The following FOXN3 variants were observed in gnomAD, a reference collection of about 807,000 sequenced individuals.
The protein encoded by FOXN3 is forkhead box N3, also known as forkhead box protein N3.
In FOXN3, 7 loss-of-function variants were observed where a neutral mutation model predicts 38.4. The observed-to-expected ratio is 0.18, with a 90% CI of 0.10 to 0.34. The LOEUF is 0.34. FOXN3 is among the 10% of genes least tolerant of loss of function. FOXN3 has a pLI of 1.00. For missense variants in FOXN3, 456 were observed against 613.4 expected, an observed-to-expected ratio of 0.74 and a Z score of 2.71; for synonymous variants, 230 against 242.2, an observed-to-expected ratio of 0.95 and a Z score of 0.47.
Position 89,162,401 on chromosome 14 carries a change from C to A in FOXN3, c.*13G>T. On this transcript the variant is annotated 3_prime_UTR_variant, in exon 6 of 6. Coordinates refer to ENST00000557258, the MANE Select transcript of FOXN3 (RefSeq NM_005197.4). The surrounding 1 kb of genome is among the most constrained non-coding windows in gnomAD (Gnocchi z 7.2). ...AAATGGTCGTAAGTTCAAAACAAAT[C>A]AGTGACTTGTTTTTAATTTTTTGTG... The A allele has an allele frequency of 6.5e-7, 1 of 1,532,182 alleles. No homozygotes were observed. Among genetic ancestry groups the A allele is most frequent in the South Asian group, 1.3e-5 (1 of 77,464 alleles). The allele number at this position is 1,532,182 out of a possible 1,614,324, so 94.9% of individuals were successfully genotyped here. A position where few individuals can be genotyped will look rare whatever the true frequency, so the allele number is the denominator to read the frequency against.
intron 3 of FOXN3, among the ~76,000 whole-genome samples, chr14:89,336,250 T>TCCATCCATCCATCCATC (rs1566960019): frequency 1.5e-4 from 1 of 6,688 alleles, no homozygotes; most frequent in Non-Finnish European, 4.6e-4. Context: ...ATCCATCCAT[T>TCCATCCATCCATCCATC]CATCCATCCA....
intron 2 of FOXN3, chr14:89,401,775 C>CCG: frequency 2.5e-6 from 1 of 407,558 alleles, no homozygotes; most frequent in Non-Finnish European, 4.9e-6. Context: ...AGGACAGTCA[C>CCG]AGCCTTCTAT....
chr14:89,249,918 G>A (rs1233959882), intron 4 of FOXN3, among the ~76,000 whole-genome samples: 1 of 152,114 alleles, frequency 6.6e-6, no homozygotes, highest in Non-Finnish European at 1.5e-5. Context: ...AAATTTCAAT[G>A]GCCATCAATA....
Position 89,350,823 on chromosome 14 carries a change from A to C in FOXN3, c.544-15T>G, listed in dbSNP as rs1888937100. On this transcript the variant is annotated splice_polypyrimidine_tract_variant and intron_variant, in intron 2 of 5. Coordinates refer to ENST00000557258, the MANE Select transcript of FOXN3 (RefSeq NM_005197.4). ...TTCCCAATACTCTGCAAAGAAAATT[A>C]AAATACAAAGGCATTAATAGAGAAT... is the stretch of plus-strand genomic sequence containing the variant. 6.5e-7 allele frequency: 1 copy of C among 1,527,308 alleles called. No individual in the cohort carries two copies. The allele number at this position is 1,527,308 out of a possible 1,614,324, so 94.6% of individuals were successfully genotyped here.
intron 1 of FOXN3, among the ~76,000 whole-genome samples, chr14:89,549,402 A>G (rs893447574): frequency 4.6e-5 from 7 of 152,198 alleles, no homozygotes; most frequent in African/African-American, 1.7e-4. Flanking sequence ...GAGAAAAGAA[A>G]GCAAGGCTCC....
chr14:89,465,291 A>T lies in FOXN3; in HGVS notation c.-14-52801T>A, dbSNP rs557051558. Among the ~76,000 whole-genome samples the T allele has an allele frequency of 2.6e-5, 4 of 152,196 alleles. No homozygotes were observed. In the East Asian group the frequency reaches 7.8e-4, roughly 30 times the overall value. ...TGTTGCCAGGCTGGAGTGCAGTCGC[A>T]CGATCTTGGCTCACTGCAACCTCCG... On this transcript the variant is annotated intron_variant, in intron 1 of 6. Transcript: ENST00000345097.
intron 1 of FOXN3, among the ~76,000 whole-genome samples, chr14:89,565,289 C>T (rs1417513851): frequency 6.6e-6 from 1 of 152,040 alleles, no homozygotes; most frequent in Non-Finnish European, 1.5e-5. Flanking sequence ...GCTGCACAGC[C>T]CCGCCAACAC....
intron 3 of FOXN3, among the ~76,000 whole-genome samples, chr14:89,346,117 G>C (rs1181215131): frequency 6.6e-6 from 1 of 152,134 alleles, no homozygotes; most frequent in Non-Finnish European, 1.5e-5. Context: ...ACATTATTTT[G>C]TTCCTTTTTA....
chr14:89,505,699 C>T (rs1442360613), intron 1 of FOXN3, among the ~76,000 whole-genome samples: 1 of 152,096 alleles, frequency 6.6e-6, no homozygotes, highest in Non-Finnish European at 1.5e-5. Flanking sequence ...GCCACCACCC[C>T]GTCTGGGAAG....
intron 4 of FOXN3, among the ~76,000 whole-genome samples, chr14:89,261,704 C>T (rs1490881105): frequency 2.0e-5 from 3 of 151,740 alleles, no homozygotes; most frequent in Non-Finnish European, 2.9e-5. Flanking sequence ...CTGAGGCGGG[C>T]GGATCACGAG....
chr14:89,450,142 G>T (rs907583550), intron 1 of FOXN3, among the ~76,000 whole-genome samples: 1 of 152,136 alleles, frequency 6.6e-6, no homozygotes, highest in African/African-American at 2.4e-5. Context: ...CTGGGCAGTG[G>T]AGTCACCCTG....
intron 4 of FOXN3, among the ~76,000 whole-genome samples, chr14:89,246,271 C>T (rs1180623137): frequency 6.6e-6 from 1 of 152,116 alleles, no homozygotes; most frequent in Non-Finnish European, 1.5e-5. Context: ...AAGCTGAGAA[C>T]TGGTGTTTAC....
chr14:89,278,598 G>A (rs150038514), intron 4 of FOXN3, among the ~76,000 whole-genome samples: 12 of 152,176 alleles, frequency 7.9e-5, no homozygotes, highest in Middle Eastern at 3.4e-3. Context: ...AGATTCCCAC[G>A]TCACCCCCAT....
intron 1 of FOXN3, among the ~76,000 whole-genome samples, chr14:89,616,301 A>C (rs1269808949): frequency 3.3e-5 from 5 of 152,024 alleles, no homozygotes; most frequent in Non-Finnish European, 2.9e-5. Context: ...TGCAATTTTG[A>C]TACTGGGAAC....
intron 1 of FOXN3, among the ~76,000 whole-genome samples, chr14:89,483,683 C>T (rs1893389532): frequency 1.3e-5 from 2 of 152,194 alleles, no homozygotes; most frequent in Admixed American, 1.3e-4. Flanking sequence ...GCTGGGATTA[C>T]AGGCGTGAGC....
chr14:89,469,676 G>A (rs77888238), intron 1 of FOXN3, among the ~76,000 whole-genome samples: 2,312 of 152,294 alleles, frequency 0.015, 48 homozygotes, highest in African/African-American at 0.052. Flanking sequence ...GTGGATGAAC[G>A]GAGCAGGAGC....
chr14:89,468,805 A>G (rs1893035990), intron 1 of FOXN3, among the ~76,000 whole-genome samples: 1 of 152,166 alleles, frequency 6.6e-6, no homozygotes, highest in African/African-American at 2.4e-5. Flanking sequence ...GCTGTTACAA[A>G]CAATATTAAG....
chr14:89,536,733 G>T (rs139027456), intron 1 of FOXN3, among the ~76,000 whole-genome samples: 1 of 151,952 alleles, frequency 6.6e-6, no homozygotes, highest in Non-Finnish European at 1.5e-5. Context: ...AGCCGAGATC[G>T]GGCCTCTGCA....
chr14:89,591,817 A>G (rs1042073630), intron 1 of FOXN3, among the ~76,000 whole-genome samples: 1 of 152,186 alleles, frequency 6.6e-6, no homozygotes, highest in Non-Finnish European at 1.5e-5. Flanking sequence ...TCTAGCTACC[A>G]AGGAGACTGA....
Sources: gnomAD v4.1 joint callset for allele counts (sites outside exome capture counted in the v4.1 genomes callset) on GRCh38, gnomAD v4.1.1 for gene constraint, Gnocchi (gnomAD v3.1) non-coding constraint, MANE v1.5 for transcripts, NCBI Gene and HGNC (gene_info 2026-07-23, HGNC 2026-07-21) for gene names.